The following TRDN variants were observed in gnomAD, a reference collection of about 807,000 sequenced individuals.
The protein encoded by TRDN is triadin, also known as triadin in skeletal muscle.
Under a neutral mutation model 149.7 loss-of-function variants are expected in TRDN, and 161 were observed. The observed-to-expected ratio is 1.08, with a 90% CI of 0.95 to 1.23. The LOEUF (loss-of-function observed/expected upper bound fraction) is 1.23, where lower values mean the gene tolerates loss of function less well. Ranked by LOEUF, TRDN falls within the 50% of genes most tolerant of loss-of-function variation. TRDN has a pLI of 0.00. For missense variants in TRDN, 896 were observed against 823.5 expected, an observed-to-expected ratio of 1.09 and a Z score of -1.08; for synonymous variants, 294 against 250.5, an observed-to-expected ratio of 1.17 and a Z score of -1.64.
At chr6:123,452,826 G>T (rs527653727) in intron 10 of TRDN, among the ~76,000 whole-genome samples, 1 of 152,076 alleles carries the variant, frequency 6.6e-6, no homozygotes, top group Non-Finnish European at 1.5e-5. Context: ...AAATCTGGAC[G>T]CATCACACTA....
intron 12 of TRDN, among the ~76,000 whole-genome samples, chr6:123,421,289 T>C (rs988114936): frequency 2.6e-5 from 4 of 152,176 alleles, no homozygotes; most frequent in African/African-American, 9.7e-5. Context: ...TTTATTGATA[T>C]AACTTTCTAA....
At chr6:123,261,022 G>C (rs1281512047) in intron 33 of TRDN, among the ~76,000 whole-genome samples, 7 of 151,600 alleles carry the variant, frequency 4.6e-5, no homozygotes, top group Non-Finnish European at 8.9e-5. Context: ...CAAAAAATAT[G>C]ATAAATGCTG....
At chr6:123,465,163 G>T (rs192798432) in intron 9 of TRDN, among the ~76,000 whole-genome samples, 180 bp from the exon 10 acceptor site, 1 of 152,212 alleles carries the variant, frequency 6.6e-6, no homozygotes, top group East Asian at 1.9e-4. Context: ...AGACACCTTC[G>T]CGGATTCAGT....
chr6:123,625,812 A>G (rs540792728), intron 1 of TRDN, among the ~76,000 whole-genome samples: 7 of 152,286 alleles, frequency 4.6e-5, no homozygotes, highest in Non-Finnish European at 8.8e-5. Context: ...AGTGAGTCAT[A>G]ATCTTTTTGC....
chr6:123,561,573 A>G (rs2114500558), intron 2 of TRDN, among the ~76,000 whole-genome samples: 1 of 151,872 alleles, frequency 6.6e-6, no homozygotes, highest in South Asian at 2.1e-4. Flanking sequence ...ATTATGCTCA[A>G]CCCCCTTGAG....
At chr6:123,326,777 TG>T (rs1374708697) in intron 23 of TRDN, among the ~76,000 whole-genome samples, 4 of 152,140 alleles carry the variant, frequency 2.6e-5, no homozygotes, top group Non-Finnish European at 5.9e-5. Context: ...TTTGGTCATT[TG>T]CTCAATTAGC....
chr6:123,429,000 C>T (rs1267146036), intron 12 of TRDN: 2 of 152,022 alleles, frequency 1.3e-5, no homozygotes, highest in African/African-American at 4.8e-5. Context: ...GTCAGACCTA[C>T]AGGATCTCTT....
chr6:123,532,596 A>G (rs973936156), intron 4 of TRDN, among the ~76,000 whole-genome samples: 4 of 151,968 alleles, frequency 2.6e-5, no homozygotes, highest in Admixed American at 1.3e-4. Context: ...ATATGGGTTC[A>G]AAAATGCCTG....
At chr6:123,622,817 G>A (rs2114716494) in intron 1 of TRDN, among the ~76,000 whole-genome samples, 1 of 152,182 alleles carries the variant, frequency 6.6e-6, no homozygotes, top group Non-Finnish European at 1.5e-5. Context: ...CATCATGATA[G>A]TATTGCAAAG....
At chr6:123,439,275 G>A (rs1774746704) in intron 10 of TRDN, among the ~76,000 whole-genome samples, 1 of 152,108 alleles carries the variant, frequency 6.6e-6, no homozygotes, top group Admixed American at 6.6e-5. Context: ...AATAATGAAT[G>A]TGATAGTTTG....
intron 2 of TRDN, among the ~76,000 whole-genome samples, chr6:123,555,973 C>G (rs1781634387): frequency 6.6e-6 from 1 of 151,982 alleles, no homozygotes; most frequent in Non-Finnish European, 1.5e-5. Flanking sequence ...AAAAGCTATG[C>G]TGTAAAATTT....
intron 9 of TRDN, chr6:123,471,437 A>T (rs1213735704): frequency 6.6e-6 from 1 of 152,222 alleles, no homozygotes; most frequent in African/African-American, 2.4e-5. Context: ...TCCCAATAAT[A>T]CATCTTATTG....
At chr6:123,434,749 C>T (rs543404740) in intron 12 of TRDN, among the ~76,000 whole-genome samples, 9 of 151,932 alleles carry the variant, frequency 5.9e-5, no homozygotes, top group Non-Finnish European at 1.0e-4. Flanking sequence ...TATAACATTG[C>T]AAAAATACCA....
intron 12 of TRDN, among the ~76,000 whole-genome samples, chr6:123,419,655 A>G (rs1773811025): frequency 6.6e-6 from 1 of 152,136 alleles, no homozygotes. Flanking sequence ...TCGCAAATAC[A>G]TAATTTTAAA....
At chr6:123,222,077 G>A (rs1350123195) in intron 39 of TRDN, among the ~76,000 whole-genome samples, 4 of 151,576 alleles carry the variant, frequency 2.6e-5, no homozygotes, top group Admixed American at 2.6e-4. Context: ...GTGTTGCATA[G>A]CTTGAAACTA....
chr6:123,340,486 G>A (rs1027672145), intron 21 of TRDN, among the ~76,000 whole-genome samples: 2 of 152,028 alleles, frequency 1.3e-5, no homozygotes, highest in East Asian at 3.9e-4. Context: ...AAAAAAGAAA[G>A]TGAAATTGGA....
rs543228597 is a variant in TRDN at position 123,502,703 on chromosome 6, T to C, written c.793+1016A>G. 100 of 984,012 alleles carry C rather than the reference T, an allele frequency of 1.0e-4. No homozygotes were observed. The African/African-American group carries it at 1.5e-3, about 15-fold the overall frequency. 61.0% of individuals were successfully genotyped at this position (984,012 alleles called of 1,614,324 possible). On this transcript the variant is annotated intron_variant, in intron 8 of 40. Coordinates refer to ENST00000334268, the MANE Select transcript of TRDN (RefSeq NM_006073.4). ...CCTGCTCTGTAATAAAATTGTAAGATTTCTTAAACTAAAATCTAATAGAAA... is the reference window on the plus strand; with the variant it reads ...CCTGCTCTGTAATAAAATTGTAAGACTTCTTAAACTAAAATCTAATAGAAA...
At chr6:123,468,509 T>C (rs1441889534) in intron 9 of TRDN, among the ~76,000 whole-genome samples, 4 of 152,152 alleles carry the variant, frequency 2.6e-5, no homozygotes, top group Non-Finnish European at 5.9e-5. Flanking sequence ...TCAAATTCTT[T>C]TGGGGCTAGT....
In TRDN at chr6:123,371,016, T is replaced by A. The variant is rs377536438; in HGVS notation, c.1273+4589A>T. On this transcript the variant is annotated intron_variant, in intron 19 of 40. Transcript: ENST00000334268. Reference sequence around the variant, plus strand: ...TTTTTACAAGTTTGTGGCTTGTCCATTATCTTTCTTTATTGCATTTATTGA... The same window carrying A: ...TTTTTACAAGTTTGTGGCTTGTCCAATATCTTTCTTTATTGCATTTATTGA... Among the ~76,000 whole-genome samples, 84 of 151,916 alleles carry A rather than the reference T, an allele frequency of 5.5e-4. 1 individual carries two copies. In the South Asian group the frequency reaches 0.017, roughly 30 times the overall value.
Sources: allele counts gnomAD v4.1 joint callset (sites outside exome capture counted in the v4.1 genomes callset), GRCh38; gene constraint gnomAD v4.1.1; transcripts MANE v1.5; gene names NCBI Gene and HGNC (gene_info 2026-07-23, HGNC 2026-07-21).